CIT: variants seen among roughly 807,000 people sequenced by gnomAD.
CIT encodes the protein citron rho-interacting serine/threonine kinase.
Under a neutral mutation model 272.7 loss-of-function variants are expected in CIT, and 79 were observed. The ratio of observed to expected loss-of-function variants is 0.29; its 90% CI spans 0.24 to 0.35. The LOEUF (loss-of-function observed/expected upper bound fraction) is 0.35. Among genes scored for constraint, CIT ranks in the 10% least tolerant of loss-of-function variants. CIT has a pLI of 1.00. For missense variants in CIT, 1,909 were observed against 2,618.3 expected (o/e 0.73, Z 5.91); for synonymous variants, 948 against 995.6 (o/e 0.95, Z 0.90).
intron 10 of CIT, among the ~76,000 whole-genome samples, chr12:119,794,003 G>A (rs1043401871): frequency 6.6e-6 from 1 of 152,150 alleles, no homozygotes; most frequent in South Asian, 2.1e-4. Context: ...CTTAAAAGCT[G>A]TGTCACCTTG....
chr12:119,698,462 C>T (rs1565900512), intron 44 of CIT, among the ~76,000 whole-genome samples: 1 of 151,976 alleles, frequency 6.6e-6, no homozygotes, highest in Non-Finnish European at 1.5e-5. Context: ...TGGTGGTGTA[C>T]ACCTGTAATC....
intron 4 of CIT, among the ~76,000 whole-genome samples, chr12:119,856,423 T>C (rs1184737976): frequency 1.3e-5 from 2 of 152,132 alleles, no homozygotes; most frequent in Non-Finnish European, 2.9e-5. Flanking sequence ...GTACACTTTA[T>C]GTTATATATA....
intron 30 of CIT, 128 bp downstream of exon 30, chr12:119,720,349 AT>A: frequency 1.5e-6 from 1 of 667,086 alleles, no homozygotes; most frequent in Non-Finnish European, 2.5e-6. Context: ...TCAACCCAAA[AT>A]AAAACAACAA....
rs1303307630 is a variant in CIT at position 119,697,804 on chromosome 12, G to T, written c.5737C>A (p.Pro1913Thr). 6.2e-7 allele frequency: 1 copy of T among 1,614,166 alleles called. No homozygotes were observed. The highest frequency in any genetic ancestry group is 2.2e-5 in the East Asian group (1 of 44,876). The change falls in exon 46 of 48, where the codon CCG becomes ACG. Residue 1913 changes from proline (P) to threonine (T), a missense_variant. Physicochemically the swap from Pro to Thr is conservative, Grantham distance 38. Transcript: ENST00000392521. The surrounding 1 kb of genome is among the most constrained non-coding windows in gnomAD (Gnocchi z 4.9). ...PARAYLDIPN[P>T]RYLGPAISSG... ...GAAATGGCAGGGCCCAGGTAGCGCG[G>T]GTTCGGGATGTCCAGGTACGCTCGG...
chr12:119,739,801 T>A (rs1958970741), intron 24 of CIT, among the ~76,000 whole-genome samples: 1 of 152,150 alleles, frequency 6.6e-6, no homozygotes, highest in Non-Finnish European at 1.5e-5. Flanking sequence ...TGACTCAGTG[T>A]TCCATAAGTT....
At chr12:119,825,621 T>G (rs949030019) in intron 7 of CIT, among the ~76,000 whole-genome samples, 20 of 152,218 alleles carry the variant, frequency 1.3e-4, no homozygotes, top group African/African-American at 4.8e-4. Context: ...ACACACAGCC[T>G]TCAGTTATAC....
intron 19 of CIT, among the ~76,000 whole-genome samples, chr12:119,763,489 A>G (rs948685330): frequency 3.9e-5 from 6 of 152,158 alleles, no homozygotes; most frequent in African/African-American, 1.4e-4. Context: ...TTAGCCCCAC[A>G]AAGTGCTGAA....
At chr12:119,702,424 A>T (rs530237850) in intron 41 of CIT, among the ~76,000 whole-genome samples, 1 of 152,260 alleles carries the variant, frequency 6.6e-6, no homozygotes, top group African/African-American at 2.4e-5. Context: ...AGTAGCTTAC[A>T]TCTGTAATCC....
chr12:119,712,993 G>A lies in CIT; in HGVS notation c.4579+210C>T, dbSNP rs563053923. The A allele has an allele frequency of 1.7e-6, 1 of 605,878 alleles. No individual in the cohort carries two copies. Among genetic ancestry groups the A allele is most frequent in the East Asian group, 2.8e-5 (1 of 36,212 alleles). The allele number at this position is 605,878 out of a possible 1,614,324, so 37.5% of individuals were successfully genotyped here. A position where few individuals can be genotyped will look rare whatever the true frequency, so the allele number is the denominator to read the frequency against. ...TGTATTAGCAGGTGGAATCTTCAGGGCAGCGCCCTGCGGGTTCTTCAGGGG... is the reference window on the plus strand; with the variant it reads ...TGTATTAGCAGGTGGAATCTTCAGGACAGCGCCCTGCGGGTTCTTCAGGGG... On this transcript the variant is annotated intron_variant, in intron 35 of 47. Transcript: ENST00000392521. This position sits in a 1 kb window ranked among gnomAD's most constrained non-coding sequence, Gnocchi z 5.2.
intron 39 of CIT, 55 bp from the exon 40 acceptor site, chr12:119,708,373 C>T (rs191606423): frequency 6.0e-5 from 86 of 1,429,900 alleles, no homozygotes; most frequent in Non-Finnish European, 7.4e-5. Flanking sequence ...AGTAAAGGTA[C>T]GGGATGGTGG....
chr12:119,688,396 C>G, intron 47 of CIT, 141 bp from the exon 48 acceptor site: 1 of 790,814 alleles, frequency 1.3e-6, no homozygotes, highest in Non-Finnish European at 2.1e-6. Flanking sequence ...GGGCAGCACC[C>G]GCTCCAGAGC....
rs779334610 is a variant in CIT, at chr12:119,697,952, C to T, written c.5702+24G>A. 7 of 1,613,844 alleles carry T rather than the reference C, an allele frequency of 4.3e-6. No homozygotes were observed. In the African/African-American group the frequency reaches 8.0e-5, roughly 18 times the overall value. ...ACCTACCCCAATAGCTGAAGTTTTC[C>T]ACGCATGGGAGGACAATGCTTACCC... On this transcript the variant is annotated intron_variant, in intron 45 of 47. Transcript: ENST00000392521. This position sits in a 1 kb window ranked among gnomAD's most constrained non-coding sequence, Gnocchi z 4.9.
chr12:119,770,656 CCACCT>C lies in CIT; in HGVS notation c.2208+124_2208+128del. On this transcript the variant is annotated intron_variant, in intron 18 of 47. Transcript: ENST00000392521. The surrounding 1 kb of genome is among the most constrained non-coding windows in gnomAD (Gnocchi z 4.4). ...CTCTACGATGTGGCATATGCTGAAACCACCTCACTCAATTCATCTACTTGGAGATA... is the reference window on the plus strand; with the variant it reads ...CTCTACGATGTGGCATATGCTGAAACCACTCAATTCATCTACTTGGAGATA... 1 of 1,061,864 alleles carries C rather than the reference CCACCT, an allele frequency of 9.4e-7. No individual in the cohort carries two copies. Among genetic ancestry groups the C allele is most frequent in the East Asian group, 2.4e-5 (1 of 41,714 alleles). 65.8% of individuals were successfully genotyped at this position (1,061,864 alleles called of 1,614,324 possible). A position where few individuals can be genotyped will look rare whatever the true frequency, so the allele number is the denominator to read the frequency against.
intron 2 of CIT, among the ~76,000 whole-genome samples, chr12:119,871,977 T>C (rs1950692257): frequency 1.3e-5 from 2 of 152,190 alleles, no homozygotes; most frequent in South Asian, 4.1e-4. Context: ...CTTCTATTCT[T>C]CAAGAGTTTA....
intron 10 of CIT, among the ~76,000 whole-genome samples, chr12:119,793,883 T>A (rs1593771609): frequency 6.6e-6 from 1 of 152,346 alleles, no homozygotes; most frequent in East Asian, 1.9e-4. Context: ...TGAATGTGAA[T>A]CTGCCCCCAT....
At chr12:119,815,481 C>T (rs530252095) in intron 9 of CIT, among the ~76,000 whole-genome samples, 2 of 152,016 alleles carry the variant, frequency 1.3e-5, no homozygotes, top group African/African-American at 2.4e-5. Context: ...CCGAGGTGGG[C>T]GGATTACCTG....
intron 40 of CIT, among the ~76,000 whole-genome samples, chr12:119,705,005 C>T (rs957571058): frequency 2.0e-5 from 3 of 152,306 alleles, no homozygotes; most frequent in South Asian, 2.1e-4. Context: ...CTCCACCTCC[C>T]GGCTTCAAGC....
chr12:119,814,662 C>T (rs562737446), intron 9 of CIT, among the ~76,000 whole-genome samples: 2 of 152,288 alleles, frequency 1.3e-5, no homozygotes, highest in African/African-American at 4.8e-5. Flanking sequence ...GAAAACAAAA[C>T]ATGACCAGAT....
chr12:119,753,817 C>A lies in CIT; in HGVS notation c.2707-1570G>T, dbSNP rs182816178. On this transcript the variant is annotated intron_variant, in intron 22 of 47. Coordinates refer to ENST00000392521, the MANE Select transcript of CIT (RefSeq NM_001206999.2). ...TTACACAAATAGACCATTGCTATGACAGAATAGGAGAGAAAGGGCCAGTCT... is the reference window on the plus strand; with the variant it reads ...TTACACAAATAGACCATTGCTATGAAAGAATAGGAGAGAAAGGGCCAGTCT... Among the ~76,000 whole-genome samples, 13 of 151,926 alleles carry A rather than the reference C, an allele frequency of 8.6e-5. No homozygotes were observed. In the East Asian group the frequency reaches 2.5e-3, roughly 29 times the overall value.
Sources: allele counts gnomAD v4.1 joint callset (sites outside exome capture counted in the v4.1 genomes callset), GRCh38; gene constraint gnomAD v4.1.1; non-coding constraint Gnocchi (gnomAD v3.1); transcripts MANE v1.5; gene names NCBI Gene and HGNC (gene_info 2026-07-23, HGNC 2026-07-21).